CELF5: variants seen among roughly 807,000 people sequenced by gnomAD.
The protein encoded by CELF5 is CUGBP Elav-like family member 5.
In CELF5, 6 loss-of-function variants were observed where a neutral mutation model predicts 54.9. That is an observed-to-expected ratio of 0.11 (90% CI 0.06 to 0.22). CELF5 has a LOEUF of 0.22. Ranked by LOEUF, CELF5 falls within the 10% of genes least tolerant of loss-of-function variation. CELF5 has a pLI of 1.00. For missense variants in CELF5, 401 were observed against 678.6 expected (o/e 0.59, Z 4.54); for synonymous variants, 271 against 290.9 (o/e 0.93, Z 0.70).
intron 2 of CELF5, among the ~76,000 whole-genome samples, chr19:3,266,546 T>C (rs1168750639): frequency 6.6e-6 from 1 of 152,226 alleles, no homozygotes; most frequent in African/African-American, 2.4e-5. Context: ...CATTTACTCA[T>C]CCATTCCCCT....
At chr19:3,285,578 G>A (rs1259465120) in intron 9 of CELF5, among the ~76,000 whole-genome samples, 2 of 54,678 alleles carry the variant, frequency 3.7e-5, no homozygotes, top group Admixed American at 5.6e-4. Flanking sequence ...CAATGGTCCC[G>A]CCCACTCTGG....
intron 5 of CELF5, among the ~76,000 whole-genome samples, chr19:3,279,032 G>T (rs1391438076): frequency 6.6e-6 from 1 of 152,210 alleles, no homozygotes; most frequent in Non-Finnish European, 1.5e-5. Context: ...GGCCAGGTCG[G>T]TTGCAAATAT....
Position 3,281,187 on chromosome 19 carries a change from C to T in CELF5, c.604-12C>T. On this transcript the variant is annotated splice_polypyrimidine_tract_variant and intron_variant, in intron 5 of 12. Transcript: ENST00000292672. The surrounding 1 kb of genome is among the most constrained non-coding windows in gnomAD (Gnocchi z 6.5). ...AGCCCGTTTCCCTCCCTGCTCGCCG[C>T]TGCCCCTGCAGGGAGCCTCCTCCAG... The T allele has an allele frequency of 6.2e-7, 1 of 1,600,100 alleles. No individual in the cohort carries two copies.
intron 2 of CELF5, among the ~76,000 whole-genome samples, chr19:3,265,110 G>C (rs1398792667): frequency 2.0e-5 from 3 of 152,184 alleles, no homozygotes; most frequent in East Asian, 1.9e-4. Context: ...GCCAAGACCA[G>C]AGGATTGCTT....
rs1229805218 is a variant in CELF5 at position 3,275,998 on chromosome 19, G to A, written c.523+14G>A. On this transcript the variant is annotated intron_variant, in intron 4 of 12. Coordinates refer to ENST00000292672, the MANE Select transcript of CELF5 (RefSeq NM_021938.4). The surrounding 1 kb of genome is among the most constrained non-coding windows in gnomAD (Gnocchi z 6.7). ...GCAGCAGCAAAGGTGACTGGCGGGGGCCGGGGCGGGACTGCGAGAGGGGCC... is the reference window on the plus strand; with the variant it reads ...GCAGCAGCAAAGGTGACTGGCGGGGACCGGGGCGGGACTGCGAGAGGGGCC... The A allele has an allele frequency of 3.8e-6, 6 of 1,594,580 alleles. No homozygotes were observed. Among genetic ancestry groups the A allele is most frequent in the Middle Eastern group, 3.7e-4 (2 of 5,392 alleles).
chr19:3,228,624 G>T lies in CELF5; in HGVS notation c.259+3626G>T, dbSNP rs1271333311. Among the ~76,000 whole-genome samples the T allele has an allele frequency of 1.3e-5, 2 of 151,884 alleles. No homozygotes were observed. Among genetic ancestry groups the T allele is most frequent in the African/African-American group, 4.8e-5 (2 of 41,360 alleles). ...TGGGGGACGGTGCAGGTGGGGGGGG[G>T]GCCCGGCGGGGGCCCGGGTGGGGGC... On this transcript the variant is annotated intron_variant, in intron 1 of 12. Coordinates refer to ENST00000292672, the MANE Select transcript of CELF5 (RefSeq NM_021938.4). The surrounding 1 kb of genome is among the most constrained non-coding windows in gnomAD (Gnocchi z 6.0).
chr19:3,243,566 G>A (rs994488818), intron 1 of CELF5, among the ~76,000 whole-genome samples: 2 of 152,194 alleles, frequency 1.3e-5, no homozygotes, highest in Admixed American at 1.3e-4. Flanking sequence ...CCAGGTGTAT[G>A]CCACCACACC....
intron 2 of CELF5, among the ~76,000 whole-genome samples, chr19:3,263,993 A>G (rs894240358): frequency 2.0e-5 from 3 of 152,050 alleles, no homozygotes; most frequent in African/African-American, 7.2e-5. Flanking sequence ...CAAAACAAAC[A>G]TCCTGATGAC....
At position 3,278,671 on chromosome 19, in the gene CELF5, G is replaced by A. The variant is rs1208896115; in HGVS notation, c.603+561G>A. Among the ~76,000 whole-genome samples, 4 of 139,548 alleles carry A rather than the reference G, an allele frequency of 2.9e-5. No homozygotes were observed. 91.5% of individuals were successfully genotyped at this position (139,548 alleles called of 152,430 possible). A position where few individuals can be genotyped will look rare whatever the true frequency, so the allele number is the denominator to read the frequency against. On this transcript the variant is annotated intron_variant, in intron 5 of 12. Coordinates refer to ENST00000292672, the MANE Select transcript of CELF5 (RefSeq NM_021938.4). The surrounding 1 kb of genome is among the most constrained non-coding windows in gnomAD (Gnocchi z 4.5). The stretch of plus-strand genomic sequence containing the variant: ...TGTGTGCATCTGCAGGTGCATTTGT[G>A]GGCAGGTTTGTGTGTGTGTGTGTGT...
At chr19:3,243,229 T>A (rs73517160) in intron 1 of CELF5, among the ~76,000 whole-genome samples, 1,685 of 152,236 alleles carry the variant, frequency 0.011, 32 homozygotes, top group African/African-American at 0.039. Context: ...GTGTGTTTTT[T>A]AATTTTTTTC....
intron 2 of CELF5, among the ~76,000 whole-genome samples, chr19:3,252,507 G>T (rs1271106381): frequency 6.6e-6 from 1 of 152,188 alleles, no homozygotes; most frequent in Non-Finnish European, 1.5e-5. Context: ...GTGAGCTCTG[G>T]GGCAGGGAGC....
chr19:3,225,327 C>T (rs1368573519), intron 1 of CELF5, among the ~76,000 whole-genome samples: 1 of 109,032 alleles, frequency 9.2e-6, no homozygotes, highest in Non-Finnish European at 1.9e-5. Context: ...TCTCATCCTT[C>T]CCCCCACAGC....
chr19:3,286,656 C>G (rs2080252703), intron 10 of CELF5: 1 of 147,116 alleles, frequency 6.8e-6, no homozygotes, highest in Non-Finnish European at 1.5e-5. Flanking sequence ...TCACTGAGCC[C>G]AGGAGGTCAA....
chr19:3,237,692 T>C (rs144473492), intron 1 of CELF5, among the ~76,000 whole-genome samples: 1,943 of 152,208 alleles, frequency 0.013, 31 homozygotes, highest in Non-Finnish European at 0.017. Context: ...ATAAGCAGGG[T>C]CTTTATGACC....
At chr19:3,251,966 G>C (rs1038620084) in intron 2 of CELF5, among the ~76,000 whole-genome samples, 1 of 148,968 alleles carries the variant, frequency 6.7e-6, no homozygotes, top group Non-Finnish European at 1.5e-5. Flanking sequence ...CGAGCCACCA[G>C]GCCCGGCCAA....
intron 2 of CELF5, among the ~76,000 whole-genome samples, chr19:3,256,476 A>G (rs1181973619): frequency 2.0e-5 from 3 of 152,142 alleles, no homozygotes; most frequent in Non-Finnish European, 1.5e-5. Flanking sequence ...CAGTGAGAAC[A>G]ACATTGAGAC....
At chr19:3,231,549 G>A (rs374530651) in intron 1 of CELF5, among the ~76,000 whole-genome samples, 4 of 147,664 alleles carry the variant, frequency 2.7e-5, no homozygotes. Context: ...GGATGGATTT[G>A]TAGATGGGTG....
At chr19:3,259,511 C>T (rs1237414844) in intron 2 of CELF5, among the ~76,000 whole-genome samples, 1 of 151,700 alleles carries the variant, frequency 6.6e-6, no homozygotes, top group South Asian at 2.1e-4. Flanking sequence ...TCACATCAGA[C>T]ACCAGAATAA....
intron 2 of CELF5, among the ~76,000 whole-genome samples, chr19:3,266,318 T>G (rs1157103304): frequency 6.6e-6 from 1 of 151,976 alleles, no homozygotes; most frequent in Non-Finnish European, 1.5e-5. Flanking sequence ...GTCTTCAGTT[T>G]GGTCCCGTAT....
Sources: allele counts gnomAD v4.1 joint callset (sites outside exome capture counted in the v4.1 genomes callset), GRCh38; gene constraint gnomAD v4.1.1; non-coding constraint Gnocchi (gnomAD v3.1); transcripts MANE v1.5; gene names NCBI Gene and HGNC (gene_info 2026-07-23, HGNC 2026-07-21).